The following GLB1L2 variants were observed in gnomAD, a reference collection of about 807,000 sequenced individuals.
GLB1L2 encodes galactosidase beta 1 like 2, also known as beta-galactosidase-1-like protein 2.
A neutral mutation model predicts 84.1 loss-of-function variants in GLB1L2; 68 were observed. The observed-to-expected ratio is 0.81, with a 90% CI of 0.67 to 0.99. GLB1L2 has a LOEUF of 0.99. GLB1L2 is among the 50% of genes least tolerant of loss of function. GLB1L2 has a pLI of 0.00. For synonymous variants in GLB1L2, 290 were observed against 318.0 expected (o/e 0.91, Z 0.94); for missense variants, 762 against 805.6 (o/e 0.95, Z 0.66).
intron 9 of GLB1L2, among the ~76,000 whole-genome samples, chr11:134,367,949 C>T (rs115395838): frequency 5.3e-5 from 8 of 152,334 alleles, no homozygotes; most frequent in African/African-American, 1.2e-4. Flanking sequence ...CTGCGCTCTG[C>T]GCACCCGGCT....
rs61908672 is a variant in GLB1L2 at position 134,334,502 on chromosome 11, A to G, written c.86+2355A>G. 7.1e-4 allele frequency among the ~76,000 whole-genome samples: 108 copies of G among 152,180 alleles called. No homozygotes were observed. Among genetic ancestry groups the G allele is most frequent in the Non-Finnish European group, 1.3e-3 (88 of 68,006 alleles). ...GCGTAAACAGTGGTCTTTCTTAAAA[A>G]TTACCTTTATTGGAGTTTAATTAAT... On this transcript the variant is annotated intron_variant, in intron 1 of 18. Transcript: ENST00000535456. This position sits in a 1 kb window ranked among gnomAD's most constrained non-coding sequence, Gnocchi z 4.1.
intron 7 of GLB1L2, 48 bp from the exon 8 acceptor site, chr11:134,364,280 G>A: frequency 6.6e-7 from 1 of 1,513,182 alleles, no homozygotes; most frequent in Non-Finnish European, 9.1e-7. Flanking sequence ...GAAGGTCCCT[G>A]GCTTTGAGAC....
intron 5 of GLB1L2, chr11:134,356,015 G>T (rs1943695928): frequency 1.8e-6 from 1 of 565,882 alleles, no homozygotes; most frequent in South Asian, 1.5e-5. Context: ...GTACCATTTT[G>T]CATATGACTT....
At position 134,375,360 on chromosome 11, in the gene GLB1L2, C is replaced by CAGA. The variant is rs1257414089; in HGVS notation, c.*304_*306dup. The stretch of plus-strand genomic sequence containing the variant: ...ATCAGATCGCCCAGCCTTTGGCCCT[C>CAGA]AGAAAAAGTGCTGAAACGTGCCCTT... On this transcript the variant is annotated 3_prime_UTR_variant, in exon 19 of 19. Transcript: ENST00000535456. 2.9e-6 allele frequency: 1 copy of CAGA among 343,996 alleles called. No homozygotes were observed. Among genetic ancestry groups the CAGA allele is most frequent in the African/African-American group, 2.1e-5 (1 of 46,954 alleles). The allele number at this position is 343,996 out of a possible 1,614,324, so 21.3% of individuals were successfully genotyped here.
At chr11:134,373,696 C>A in intron 15 of GLB1L2, 25 bp from the exon 16 acceptor site, 1 of 1,528,114 alleles carries the variant, frequency 6.5e-7, no homozygotes, top group East Asian at 2.2e-5. Context: ...TTGGGCTACC[C>A]ACGTGTCCTG....
At chr11:134,340,977 A>C (rs1230497695) in intron 1 of GLB1L2, among the ~76,000 whole-genome samples, 1 of 152,200 alleles carries the variant, frequency 6.6e-6, no homozygotes, top group Non-Finnish European at 1.5e-5. Flanking sequence ...GTGTTGGTCT[A>C]ATAGGATCTC....
At chr11:134,356,849 G>A (rs1487794424) in intron 6 of GLB1L2, among the ~76,000 whole-genome samples, 1 of 152,114 alleles carries the variant, frequency 6.6e-6, no homozygotes, top group Non-Finnish European at 1.5e-5. Context: ...GAGAGCCACT[G>A]ACTCAATGCA....
rs267602789 is a variant in GLB1L2 at position 134,371,754 on chromosome 11, T to C, written c.1431T>C (p.Gly477=). The C allele has an allele frequency of 1.2e-6, 2 of 1,613,946 alleles. No homozygotes were observed. Among genetic ancestry groups the C allele is most frequent in the East Asian group, 2.2e-5 (1 of 44,874 alleles). The change falls in exon 15 of 19, where the codon GGT becomes GGC. Residue 477 remains glycine, a splice_region_variant and synonymous_variant. Coordinates refer to ENST00000535456, the MANE Select transcript of GLB1L2 (RefSeq NM_001370461.1). ...CGTTAGCCCCGTGTTCCCGGCAGGGTTACACCGTGCTGAGGATCTTGGTGG... is the reference window on the plus strand; with the variant it reads ...CGTTAGCCCCGTGTTCCCGGCAGGGCTACACCGTGCTGAGGATCTTGGTGG... ...TTKIAVPLIQ[G]YTVLRILVEN...
At chr11:134,369,646 T>C (rs902018579) in intron 10 of GLB1L2, among the ~76,000 whole-genome samples, 159 bp from the exon 11 acceptor site, 3 of 152,096 alleles carry the variant, frequency 2.0e-5, no homozygotes, top group Non-Finnish European at 4.4e-5. Context: ...GCCTGGTCTT[T>C]CATGTTTACA....
chr11:134,361,865 C>T (rs1032135695), intron 7 of GLB1L2, among the ~76,000 whole-genome samples: 3 of 152,188 alleles, frequency 2.0e-5, no homozygotes, highest in Non-Finnish European at 2.9e-5. Context: ...GTTGCTGCTT[C>T]GGCACAGGGG....
intron 9 of GLB1L2, among the ~76,000 whole-genome samples, chr11:134,367,620 A>C (rs906049076): frequency 2.0e-5 from 3 of 152,220 alleles, no homozygotes; most frequent in African/African-American, 2.4e-5. Flanking sequence ...AGAAGAAATA[A>C]AATTCCCAGA....
At chr11:134,347,547 C>T (rs1429911080) in intron 5 of GLB1L2, 114 bp downstream of exon 5, 2 of 736,588 alleles carry the variant, frequency 2.7e-6, no homozygotes, top group East Asian at 2.5e-5. Flanking sequence ...CACGAGCAGG[C>T]TCTTCCTCAC....
intron 1 of GLB1L2, among the ~76,000 whole-genome samples, chr11:134,332,961 G>T (rs1298247100): frequency 6.6e-6 from 1 of 152,190 alleles, no homozygotes. Flanking sequence ...GAAGCCGACC[G>T]GCAGTATCGA....
Position 134,344,436 on chromosome 11 carries a change from T to A in GLB1L2, c.334T>A (p.Ser112Thr). The A allele has an allele frequency of 6.2e-7, 1 of 1,612,934 alleles. No homozygotes were observed. The change falls in exon 3 of 19, where the codon TCT (serine) becomes ACT (threonine). Residue 112 changes from serine to threonine, a missense_variant. This residue lies in a region of GLB1L2 where 59 missense variants were observed against 105.1 expected (regional missense o/e 0.56). Coordinates refer to ENST00000535456, the MANE Select transcript of GLB1L2 (RefSeq NM_001370461.1). Reference sequence around the variant, plus strand: ...GCCAGAAAGAGGCAAATTTGACTTCTCTGGGAACCTGGACCTGGAGTATGT... The same window carrying A: ...GCCAGAAAGAGGCAAATTTGACTTCACTGGGAACCTGGACCTGGAGTATGT... ...HEPERGKFDFSGNLDLEAFVL... is the reference protein window; with the variant it reads ...HEPERGKFDFTGNLDLEAFVL...
rs1943488572 is a variant in GLB1L2 at position 134,342,854 on chromosome 11, A to C, written c.187A>C (p.Ile63Leu). 6.2e-7 allele frequency: 1 copy of C among 1,613,844 alleles called. No homozygotes were observed. The highest frequency in any genetic ancestry group is 1.7e-5 in the Admixed American group (1 of 60,008). ...CATGCTGGAGGATTCCACCTTCTGGATCTTCGGGGGCTCCATCCACTATTT... is the reference window on the plus strand; with the variant it reads ...CATGCTGGAGGATTCCACCTTCTGGCTCTTCGGGGGCTCCATCCACTATTT... ...NFMLEDSTFWIFGGSIHYFRV... is the reference protein window; with the variant it reads ...NFMLEDSTFWLFGGSIHYFRV... The change falls in exon 2 of 19, where the codon ATC (isoleucine) becomes CTC (leucine). Residue 63 changes from isoleucine to leucine, a missense_variant. By Grantham distance (5) the Ile-to-Leu change is conservative (BLOSUM62 2). Around this residue, in one of 3 missense-constraint regions of GLB1L2, gnomAD observed 100 missense variants for 88.8 expected, o/e 1.13. Coordinates refer to ENST00000535456, the MANE Select transcript of GLB1L2 (RefSeq NM_001370461.1).
chr11:134,344,881 C>T (rs939518449), intron 3 of GLB1L2, among the ~76,000 whole-genome samples, 153 bp from the exon 4 acceptor site: 9 of 152,236 alleles, frequency 5.9e-5, no homozygotes, highest in Non-Finnish European at 1.3e-4. Flanking sequence ...GCTCAGGCCA[C>T]CGACCTGGTG....
chr11:134,356,955 C>T (rs1014864836), intron 6 of GLB1L2, among the ~76,000 whole-genome samples: 10 of 150,944 alleles, frequency 6.6e-5, no homozygotes, highest in African/African-American at 2.5e-4. Context: ...GAACAAATGC[C>T]TCGAGTTTTT....
Position 134,332,099 on chromosome 11 carries a change from C to T in GLB1L2, c.38C>T (p.Thr13Met), listed in dbSNP as rs1275750962. ...TWSLRRRPAR[T>M]LGLLLLVVLG... ...AGCCTCCGGCGGAGGCCGGCCCGCA[C>T]GCTGGGACTCCTGCTGCTGGTCGTC... Residue 13 changes from threonine to methionine, a missense_variant, in exon 1 of 19, where the codon ACG becomes ATG. Physicochemically the swap from Thr to Met is moderately conservative, Grantham distance 81. Transcript: ENST00000535456. 3 of 1,590,890 alleles carry T rather than the reference C, an allele frequency of 1.9e-6. No homozygotes were observed. The South Asian group carries it at 3.4e-5, about 18-fold the overall frequency.
At position 134,342,736 on chromosome 11, in the gene GLB1L2, ATG is replaced by A. The variant is rs1943486108; in HGVS notation, c.87-16_87-15del. 6.2e-7 allele frequency: 1 copy of A among 1,609,492 alleles called. No homozygotes were observed. The highest frequency in any genetic ancestry group is 1.3e-5 in the African/African-American group (1 of 74,742). On this transcript the variant is annotated splice_polypyrimidine_tract_variant and intron_variant, in intron 1 of 18. Transcript: ENST00000535456. ...CGGCCCGGAGCCTCCAGGCTCCAGA[ATG>A]TCTTTGTCTTTCCAGGCTGGACTGG...
Sources: gnomAD v4.1 joint callset for allele counts (sites outside exome capture counted in the v4.1 genomes callset) on GRCh38, gnomAD v4.1.1 for gene constraint, gnomAD v4.1.1 regional missense constraint, Gnocchi (gnomAD v3.1) non-coding constraint, MANE v1.5 for transcripts, NCBI Gene and HGNC (gene_info 2026-07-23, HGNC 2026-07-21) for gene names.